Variants in MDGA2 observed in about 807,000 individuals in gnomAD.
MDGA2 encodes the protein MAM domain containing glycosylphosphatidylinositol anchor 2.
Under a neutral mutation model 117.8 loss-of-function variants are expected in MDGA2, and 40 were observed. That is an observed-to-expected ratio of 0.34 (90% CI 0.26 to 0.44). The LOEUF (loss-of-function observed/expected upper bound fraction) is 0.44. Among genes scored for constraint, MDGA2 ranks in the 20% least tolerant of loss-of-function variants. MDGA2 has a pLI of 1.00. For synonymous variants in MDGA2, 452 were observed against 439.0 expected (o/e 1.03, Z -0.37); for missense variants, 1,123 against 1,250.6 (o/e 0.90, Z 1.54).
chr14:47,607,211 G>C (rs942242845), intron 1 of MDGA2, among the ~76,000 whole-genome samples: 4 of 152,110 alleles, frequency 2.6e-5, no homozygotes, highest in Non-Finnish European at 4.4e-5. Context: ...GATATGTGCT[G>C]CTTCCAAATC....
Position 47,369,401 on chromosome 14 carries a change from G to T in MDGA2, c.281-67851C>A, listed in dbSNP as rs921251242. Among the ~76,000 whole-genome samples the T allele has an allele frequency of 2.0e-5, 3 of 152,126 alleles. No individual in the cohort carries two copies. In the East Asian group the frequency reaches 5.8e-4, roughly 30 times the overall value. ...TTCCTTAAAAAAAGTTCTGGAAATG[G>T]AAGTACTTAAAGAGAAAGAATAGTT... On this transcript the variant is annotated intron_variant, in intron 1 of 16. Transcript: ENST00000399232.
At chr14:47,465,158 T>C (rs1316606193) in intron 1 of MDGA2, among the ~76,000 whole-genome samples, 1 of 152,028 alleles carries the variant, frequency 6.6e-6, no homozygotes, top group African/African-American at 2.4e-5. Context: ...ACCCCATCCT[T>C]ATACCATACA....
At chr14:47,296,993 G>T (rs967084207) in intron 2 of MDGA2, among the ~76,000 whole-genome samples, 2 of 152,164 alleles carry the variant, frequency 1.3e-5, no homozygotes, top group African/African-American at 2.4e-5. Context: ...AACATGAATT[G>T]CTGGCCCCAA....
intron 7 of MDGA2, among the ~76,000 whole-genome samples, chr14:47,037,497 C>A (rs1888898521): frequency 5.3e-5 from 8 of 152,156 alleles, no homozygotes; most frequent in Admixed American, 5.2e-4. Context: ...TCTCTTCCTG[C>A]TCATGACAAA....
chr14:47,650,105 A>T (rs1480373486), intron 1 of MDGA2, among the ~76,000 whole-genome samples: 1 of 152,122 alleles, frequency 6.6e-6, no homozygotes, highest in Non-Finnish European at 1.5e-5. Context: ...AAAAGAACAA[A>T]AGGCAGACCC....
intron 5 of MDGA2, among the ~76,000 whole-genome samples, chr14:47,128,748 GCA>G (rs1882034200): frequency 6.7e-6 from 1 of 148,492 alleles, no homozygotes; most frequent in African/African-American, 2.5e-5. Context: ...AGGCTGGAGT[GCA>G]GTGGCGCTAT....
chr14:47,114,885 C>G lies in MDGA2; in HGVS notation c.925+16829G>C, dbSNP rs373580734. On this transcript the variant is annotated intron_variant, in intron 5 of 16. Coordinates refer to ENST00000399232, the MANE Select transcript of MDGA2 (RefSeq NM_001113498.3). Reference sequence around the variant, plus strand: ...GGCAAAGATTTCATGACAAAAACGTCAAAAGCAATTGCAACAAAAGCAACA... The same window carrying G: ...GGCAAAGATTTCATGACAAAAACGTGAAAAGCAATTGCAACAAAAGCAACA... 2.1e-5 allele frequency among the ~76,000 whole-genome samples: 3 copies of G among 144,298 alleles called. No individual in the cohort carries two copies. In the East Asian group the frequency reaches 6.2e-4, roughly 30 times the overall value. 94.7% of individuals were successfully genotyped at this position (144,298 alleles called of 152,430 possible).
chr14:47,128,429 A>T (rs1882015362), intron 5 of MDGA2, among the ~76,000 whole-genome samples: 1 of 152,078 alleles, frequency 6.6e-6, no homozygotes, highest in African/African-American at 2.4e-5. Flanking sequence ...CATAGGCCAT[A>T]CTTTCATTTT....
intron 1 of MDGA2, among the ~76,000 whole-genome samples, chr14:47,608,888 A>G (rs1321180672): frequency 6.6e-6 from 1 of 151,980 alleles, no homozygotes; most frequent in Non-Finnish European, 1.5e-5. Context: ...TATTTGTAGA[A>G]GCAGAACTAT....
intron 10 of MDGA2, among the ~76,000 whole-genome samples, chr14:46,914,350 T>C (rs1883822045): frequency 6.6e-6 from 1 of 152,132 alleles, no homozygotes; most frequent in South Asian, 2.1e-4. Context: ...ATAAAGATTC[T>C]GAGAAAACTT....
At chr14:47,278,689 A>G (rs1474840270) in intron 2 of MDGA2, among the ~76,000 whole-genome samples, 1 of 152,196 alleles carries the variant, frequency 6.6e-6, no homozygotes, top group Non-Finnish European at 1.5e-5. Flanking sequence ...CAATTTTTAA[A>G]TTTAAGGTAT....
intron 1 of MDGA2, among the ~76,000 whole-genome samples, chr14:47,577,747 G>A (rs987824387): frequency 1.3e-5 from 2 of 152,074 alleles, no homozygotes; most frequent in Non-Finnish European, 2.9e-5. Flanking sequence ...TCAGAATGGC[G>A]ATTATTAAAA....
At chr14:46,910,204 T>G (rs1056364242) in intron 10 of MDGA2, among the ~76,000 whole-genome samples, 2 of 151,040 alleles carry the variant, frequency 1.3e-5, no homozygotes, top group Non-Finnish European at 2.9e-5. Context: ...TTTTCATCCC[T>G]GCCTTTTTGC....
chr14:46,958,668 A>G (rs148504517), intron 8 of MDGA2, among the ~76,000 whole-genome samples: 1 of 152,322 alleles, frequency 6.6e-6, no homozygotes, highest in East Asian at 1.9e-4. Context: ...GGAGAGGTAG[A>G]TTGGTGTGTG....
chr14:47,289,893 A>C (rs867398862), intron 2 of MDGA2, among the ~76,000 whole-genome samples: 1 of 152,052 alleles, frequency 6.6e-6, no homozygotes, highest in Non-Finnish European at 1.5e-5. Flanking sequence ...TTTGATTCTG[A>C]GTTTTCAGAT....
intron 2 of MDGA2, chr14:47,299,587 T>C (rs1360488699): frequency 2.0e-5 from 3 of 152,234 alleles, no homozygotes; most frequent in African/African-American, 7.2e-5. Context: ...TATATTTTCC[T>C]TGAGTTAATA....
At chr14:47,230,695 T>A (rs1375070055) in intron 2 of MDGA2, among the ~76,000 whole-genome samples, 1 of 151,998 alleles carries the variant, frequency 6.6e-6, no homozygotes, top group Non-Finnish European at 1.5e-5. Context: ...CACTTGGAGA[T>A]GTAAATGACC....
rs181450919 is a variant in MDGA2 at position 47,186,728 on chromosome 14, T to A, written c.595+31293A>T. ...CCTTAAACACCAGTTGACTTTTAAC[T>A]GTCATTGAAACCTCTAGTAATTTAA... On this transcript the variant is annotated intron_variant, in intron 3 of 16. Transcript: ENST00000399232. 6.6e-5 allele frequency among the ~76,000 whole-genome samples: 10 copies of A among 152,112 alleles called. No individual in the cohort carries two copies. The East Asian group carries it at 1.7e-3, about 26-fold the overall frequency.
chr14:46,920,026 A>G lies in MDGA2; in HGVS notation c.2224T>C (p.Leu742=), dbSNP rs765441669. The G allele has an allele frequency of 1.9e-6, 3 of 1,580,116 alleles. No homozygotes were observed. Among genetic ancestry groups the G allele is most frequent in the Non-Finnish European group, 1.7e-6 (2 of 1,167,354 alleles). ...AGATTTCTCACCTGCCTGATGCCCA[A>G]CCGGTATGCAACAATCCGATCCACT... ...DAVDRIVAYR[L]GIRQAGQQRW... The change falls in exon 10 of 17, where the codon TTG becomes CTG. Residue 742 remains leucine (L), a synonymous_variant. Transcript: ENST00000399232.
Sources: gnomAD v4.1 joint callset for allele counts (sites outside exome capture counted in the v4.1 genomes callset) on GRCh38, gnomAD v4.1.1 for gene constraint, MANE v1.5 for transcripts, NCBI Gene and HGNC (gene_info 2026-07-23, HGNC 2026-07-21) for gene names.